The following MIPOL1 variants were observed in gnomAD, a reference collection of about 807,000 sequenced individuals.
The protein encoded by MIPOL1 is mirror-image polydactyly 1.
In MIPOL1, 57 loss-of-function variants were observed where a neutral mutation model predicts 60.9. The ratio of observed to expected loss-of-function variants is 0.94; its 90% confidence interval spans 0.76 to 1.17. MIPOL1 has a LOEUF of 1.17. Ranked by LOEUF, MIPOL1 falls within the 50% of genes most tolerant of loss-of-function variation. MIPOL1 has a pLI of 0.00. For synonymous variants in MIPOL1, 179 were observed against 168.8 expected (o/e 1.06, Z -0.47); for missense variants, 551 against 511.6 (o/e 1.08, Z -0.74).
At chr14:37,484,298 A>G (rs1305718726) in intron 11 of MIPOL1, among the ~76,000 whole-genome samples, 1 of 132,850 alleles carries the variant, frequency 7.5e-6, no homozygotes. Context: ...ATCCTCTTCC[A>G]TTTCTCCTTC....
At chr14:37,241,008 T>C (rs2153345578) in intron 1 of MIPOL1, among the ~76,000 whole-genome samples, 1 of 151,998 alleles carries the variant, frequency 6.6e-6, no homozygotes, top group Admixed American at 6.6e-5. Context: ...TTGTGGAGGC[T>C]AACAAGTCCC....
At chr14:37,296,776 A>T (rs1280142087) in intron 7 of MIPOL1, among the ~76,000 whole-genome samples, 1 of 152,234 alleles carries the variant, frequency 6.6e-6, no homozygotes, top group East Asian at 1.9e-4. Flanking sequence ...ATCTCTGAAT[A>T]GACCAATAAC....
At chr14:37,270,103 A>C (rs2083181035) in intron 5 of MIPOL1, among the ~76,000 whole-genome samples, 1 of 152,140 alleles carries the variant, frequency 6.6e-6, no homozygotes, top group East Asian at 1.9e-4. Flanking sequence ...GGCTGGGATT[A>C]CAGGCGTGAG....
At chr14:37,418,153 G>A (rs2093805555) in intron 10 of MIPOL1, among the ~76,000 whole-genome samples, 1 of 152,102 alleles carries the variant, frequency 6.6e-6, no homozygotes. Context: ...ACTAAAACAA[G>A]GCTTAACTGT....
chr14:37,344,981 G>A (rs2090839607), intron 9 of MIPOL1, among the ~76,000 whole-genome samples: 3 of 145,602 alleles, frequency 2.1e-5, no homozygotes, highest in Admixed American at 7.0e-5. Context: ...AGTAAGCTGC[G>A]ACTCCAGCCT....
intron 11 of MIPOL1, among the ~76,000 whole-genome samples, chr14:37,491,337 T>C (rs906930368): frequency 3.3e-5 from 5 of 152,168 alleles, no homozygotes; most frequent in Admixed American, 6.5e-5. Context: ...AAGATCATCT[T>C]GTGCAACATG....
At chr14:37,336,729 A>G (rs984302083) in intron 9 of MIPOL1, among the ~76,000 whole-genome samples, 2 of 150,712 alleles carry the variant, frequency 1.3e-5, no homozygotes, top group Non-Finnish European at 3.0e-5. Flanking sequence ...TTTCCTTTTC[A>G]TATGCCTTGC....
At chr14:37,410,147 A>G (rs2093657398) in intron 10 of MIPOL1, among the ~76,000 whole-genome samples, 1 of 152,214 alleles carries the variant, frequency 6.6e-6, no homozygotes, top group Non-Finnish European at 1.5e-5. Flanking sequence ...AAGGAAAAAT[A>G]CAGATTCCTT....
chr14:37,211,424 C>G (rs1966842376), intron 1 of MIPOL1, among the ~76,000 whole-genome samples: 1 of 152,052 alleles, frequency 6.6e-6, no homozygotes. Flanking sequence ...GAAAACACAA[C>G]AATTGTGAAA....
chr14:37,263,613 T>C (rs2082663669), intron 3 of MIPOL1, among the ~76,000 whole-genome samples: 1 of 152,192 alleles, frequency 6.6e-6, no homozygotes, highest in African/African-American at 2.4e-5. Context: ...ATACATTTTT[T>C]CCTGTTGTTT....
In MIPOL1 at chr14:37,449,811, T is replaced by TTTAC. The variant is rs1479515896; in HGVS notation, c.1031+26866_1031+26869dup. Among the ~76,000 whole-genome samples the TTTAC allele has an allele frequency of 1.3e-5, 2 of 151,916 alleles. 1 individual carries two copies. Among genetic ancestry groups the TTTAC allele is most frequent in the African/African-American group, 4.8e-5 (2 of 41,334 alleles). On this transcript the variant is annotated intron_variant, in intron 11 of 12. Transcript: ENST00000684589. ...ATTTATTTATTTATTTATTTATTTATTTACTTAATTTATTTTTTTGAGACA... is the reference window on the plus strand; with the variant it reads ...ATTTATTTATTTATTTATTTATTTATTTACTTACTTAATTTATTTTTTTGAGACA...
intron 9 of MIPOL1, among the ~76,000 whole-genome samples, chr14:37,348,400 G>A (rs769488379): frequency 4.2e-4 from 64 of 151,974 alleles, no homozygotes; most frequent in Admixed American, 1.8e-3. Context: ...GATCAATTAG[G>A]ACTCATCACA....
At chr14:37,265,739 G>A (rs551638031) in intron 3 of MIPOL1, among the ~76,000 whole-genome samples, 16 of 152,080 alleles carry the variant, frequency 1.1e-4, no homozygotes, top group Non-Finnish European at 2.1e-4. Flanking sequence ...AGTCTGAGGT[G>A]GGAGGATTGC....
chr14:37,443,385 A>G (rs954004764), intron 11 of MIPOL1, among the ~76,000 whole-genome samples: 1 of 148,614 alleles, frequency 6.7e-6, no homozygotes, highest in Non-Finnish European at 1.5e-5. Flanking sequence ...CCTGAGCCCA[A>G]GAGGTTGAGA....
chr14:37,337,276 A>G (rs2153458917), intron 9 of MIPOL1, among the ~76,000 whole-genome samples: 1 of 136,688 alleles, frequency 7.3e-6, no homozygotes, highest in South Asian at 2.4e-4. Context: ...CATTTCCCTA[A>G]TGGCTAATGA....
intron 9 of MIPOL1, among the ~76,000 whole-genome samples, chr14:37,356,739 T>C (rs1274735009): frequency 6.6e-6 from 1 of 152,188 alleles, no homozygotes; most frequent in African/African-American, 2.4e-5. Flanking sequence ...GCTTCCCGAG[T>C]GAGGCAATGC....
At chr14:37,224,143 C>G (rs1321396042) in intron 1 of MIPOL1, among the ~76,000 whole-genome samples, 3 of 152,092 alleles carry the variant, frequency 2.0e-5, no homozygotes, top group Non-Finnish European at 4.4e-5. Context: ...CATCTCTGAA[C>G]TGGTTATAGG....
chr14:37,269,237 C>T (rs1253170248), intron 5 of MIPOL1, among the ~76,000 whole-genome samples: 1 of 152,028 alleles, frequency 6.6e-6, no homozygotes, highest in African/African-American at 2.4e-5. Context: ...GCAATATTGT[C>T]ATTTACCTTG....
At chr14:37,239,824 G>C (rs1287986116) in intron 1 of MIPOL1, among the ~76,000 whole-genome samples, 2 of 152,108 alleles carry the variant, frequency 1.3e-5, no homozygotes, top group African/African-American at 4.8e-5. Flanking sequence ...TCTTGATAAT[G>C]AACAAGAAAT....
Sources: allele counts gnomAD v4.1 joint callset (sites outside exome capture counted in the v4.1 genomes callset), GRCh38; gene constraint gnomAD v4.1.1; transcripts MANE v1.5; gene names NCBI Gene and HGNC (gene_info 2026-07-23, HGNC 2026-07-21).